Variants in KCND2 observed in about 807,000 individuals in gnomAD.
KCND2 encodes A-type voltage-gated potassium channel KCND2.
Under a neutral mutation model 54.4 loss-of-function variants are expected in KCND2, and 16 were observed. The observed-to-expected ratio is 0.29, with a 90% confidence interval of 0.20 to 0.45. The LOEUF (loss-of-function observed/expected upper bound fraction) is 0.45, where lower values mean the gene tolerates loss of function less well. Ranked by LOEUF, KCND2 falls within the 20% of genes least tolerant of loss-of-function variation. The pLI is 1.00. For missense variants in KCND2, 486 were observed against 824.2 expected, an observed-to-expected ratio of 0.59 and a Z score of 5.02; for synonymous variants, 317 against 310.7, an observed-to-expected ratio of 1.02 and a Z score of -0.21.
intron 1 of KCND2, among the ~76,000 whole-genome samples, chr7:120,424,106 A>C (rs1427232847): frequency 6.6e-6 from 1 of 152,194 alleles, no homozygotes; most frequent in Non-Finnish European, 1.5e-5. Context: ...TGACATTGAC[A>C]AATTATTTTC....
chr7:120,685,162 G>A (rs1386245261), intron 1 of KCND2, among the ~76,000 whole-genome samples: 2 of 152,138 alleles, frequency 1.3e-5, no homozygotes, highest in South Asian at 2.1e-4. Flanking sequence ...AGGCTCAGAA[G>A]TAGCAACATA....
At chr7:120,319,332 A>G (rs1448964520) in intron 1 of KCND2, among the ~76,000 whole-genome samples, 5 of 152,114 alleles carry the variant, frequency 3.3e-5, no homozygotes, top group Admixed American at 1.3e-4. Context: ...AGTAGAAAAA[A>G]TTACACATTT....
chr7:120,701,922 C>T (rs1416875636), intron 1 of KCND2, among the ~76,000 whole-genome samples: 4 of 151,816 alleles, frequency 2.6e-5, no homozygotes, highest in African/African-American at 7.3e-5. Flanking sequence ...ATGAAGATGC[C>T]GAAAGCAATT....
At chr7:120,289,063 CACACACACACACACAGAG>C (rs1468226178) in intron 1 of KCND2, among the ~76,000 whole-genome samples, 21 of 37,458 alleles carry the variant, frequency 5.6e-4, no homozygotes, top group African/African-American at 7.5e-4. Flanking sequence ...CACACACACA[CACACACACACACACAGAG>C]AGAGAGAGAG....
intron 1 of KCND2, among the ~76,000 whole-genome samples, chr7:120,688,612 C>T (rs955705633): frequency 1.1e-4 from 16 of 152,112 alleles, no homozygotes; most frequent in African/African-American, 2.9e-4. Context: ...TAAGCTGCCA[C>T]GGATTTGTTA....
At chr7:120,323,482 T>C (rs1584730026) in intron 1 of KCND2, among the ~76,000 whole-genome samples, 1 of 149,654 alleles carries the variant, frequency 6.7e-6, no homozygotes, top group Non-Finnish European at 1.5e-5. Flanking sequence ...CAGAGTGTGA[T>C]GTTCCCCTTC....
At chr7:120,564,387 A>G (rs190297737) in intron 1 of KCND2, among the ~76,000 whole-genome samples, 350 of 152,290 alleles carry the variant, frequency 2.3e-3, no homozygotes, top group Admixed American at 5.4e-3. Flanking sequence ...GCAGAAAACT[A>G]CAATAGTAAC....
chr7:120,601,148 G>A (rs889686048), intron 1 of KCND2, among the ~76,000 whole-genome samples: 1 of 152,222 alleles, frequency 6.6e-6, no homozygotes, highest in African/African-American at 2.4e-5. Context: ...CCTTCATGGA[G>A]TTAATATGCT....
rs1367534127 is a variant in KCND2 at position 120,661,908 on chromosome 7, A to G, written c.1116-70995A>G. On this transcript the variant is annotated intron_variant, in intron 1 of 5. Coordinates refer to ENST00000331113, the MANE Select transcript of KCND2 (RefSeq NM_012281.3). ...CACTGAGCTACAGGTATTTTTAAAC[A>G]AAACAGCAAGTACACAAAGGGTTCC... Among the ~76,000 whole-genome samples the G allele has an allele frequency of 6.6e-5, 10 of 152,340 alleles. No individual in the cohort carries two copies. In the East Asian group the frequency reaches 1.7e-3, roughly 26 times the overall value.
chr7:120,523,704 CTGTGTGTGTGTGTG>C (rs199762798), intron 1 of KCND2, among the ~76,000 whole-genome samples: 59 of 137,226 alleles, frequency 4.3e-4, no homozygotes, highest in South Asian at 7.2e-4. Flanking sequence ...CACACACACT[CTGTGTGTGTGTGTG>C]TGTGTGTGTG....
intron 1 of KCND2, among the ~76,000 whole-genome samples, chr7:120,584,483 G>A (rs1236916892): frequency 6.6e-6 from 1 of 152,208 alleles, no homozygotes; most frequent in Non-Finnish European, 1.5e-5. Context: ...TGGATTTTAT[G>A]TTCAATGTCA....
At chr7:120,551,648 T>C (rs1261365281) in intron 1 of KCND2, among the ~76,000 whole-genome samples, 4 of 152,234 alleles carry the variant, frequency 2.6e-5, no homozygotes, top group Admixed American at 2.6e-4. Flanking sequence ...AAAAGTCAAA[T>C]GATTCCTTAA....
At chr7:120,653,956 G>T (rs942829123) in intron 1 of KCND2, among the ~76,000 whole-genome samples, 1 of 152,188 alleles carries the variant, frequency 6.6e-6, no homozygotes. Flanking sequence ...AGGGAAAGTT[G>T]AAGGCATGTT....
chr7:120,273,839 T>C lies in KCND2; in HGVS notation c.-794T>C, dbSNP rs1271249357. 6.5e-6 allele frequency: 1 copy of C among 152,802 alleles called. No homozygotes were observed. The highest frequency in any genetic ancestry group is 2.4e-5 in the African/African-American group (1 of 41,432). 9.5% of individuals were successfully genotyped at this position (152,802 alleles called of 1,614,324 possible). ...CGCCACGGCGGCGGCGGCTGCCAGC[T>C]CCTGAGCTCTGTAACTGTCACACTG... On this transcript the variant is annotated 5_prime_UTR_variant, in exon 1 of 6. Coordinates refer to ENST00000331113, the MANE Select transcript of KCND2 (RefSeq NM_012281.3).
At chr7:120,425,650 C>G (rs1801696306) in intron 1 of KCND2, among the ~76,000 whole-genome samples, 1 of 152,218 alleles carries the variant, frequency 6.6e-6, no homozygotes, top group Non-Finnish European at 1.5e-5. Context: ...CTCCCATTGC[C>G]TCTTAGCACA....
intron 1 of KCND2, among the ~76,000 whole-genome samples, chr7:120,402,290 A>G (rs1157434007): frequency 6.6e-6 from 1 of 151,270 alleles, no homozygotes; most frequent in African/African-American, 2.4e-5. Flanking sequence ...GAAGCTTCCC[A>G]TGTGCATCCC....
intron 1 of KCND2, among the ~76,000 whole-genome samples, chr7:120,708,795 G>A (rs191217920): frequency 2.2e-4 from 34 of 151,966 alleles, no homozygotes; most frequent in African/African-American, 7.5e-4. Flanking sequence ...TTTTTTCATA[G>A]CACATATCAT....
At chr7:120,424,956 A>G (rs549433834) in intron 1 of KCND2, among the ~76,000 whole-genome samples, 2 of 152,110 alleles carry the variant, frequency 1.3e-5, no homozygotes, top group Non-Finnish European at 2.9e-5. Context: ...TGCCTCTACC[A>G]TAGATTTGGC....
intron 1 of KCND2, among the ~76,000 whole-genome samples, chr7:120,547,253 G>A (rs1001466993): frequency 2.6e-5 from 4 of 151,862 alleles, no homozygotes; most frequent in African/African-American, 9.7e-5. Context: ...GCCAGCCTTG[G>A]AGGTACTTGA....
Sources: allele counts gnomAD v4.1 joint callset (sites outside exome capture counted in the v4.1 genomes callset), GRCh38; gene constraint gnomAD v4.1.1; transcripts MANE v1.5; gene names NCBI Gene and HGNC (gene_info 2026-07-23, HGNC 2026-07-21).